EPG5: variants seen among roughly 807,000 people sequenced by gnomAD.
EPG5 encodes ectopic P-granules 5 autophagy tethering factor.
In EPG5, 159 loss-of-function variants were observed where a neutral mutation model predicts 302.7. The observed-to-expected ratio is 0.53, with a 90% CI of 0.46 to 0.60. The LOEUF (loss-of-function observed/expected upper bound fraction) is 0.60, where lower values mean the gene tolerates loss of function less well. Ranked by LOEUF, EPG5 falls within the 20% of genes least tolerant of loss-of-function variation. The probability of loss-of-function intolerance (pLI) is 0.00; values close to 1 mark genes in which losing one functional copy is unlikely to be tolerated. For missense variants in EPG5, 2,896 were observed against 3,092.4 expected (o/e 0.94, Z 1.51); for synonymous variants, 1,158 against 1,136.8 (o/e 1.02, Z -0.37).
chr18:45,845,286 A>C (rs1385771675), downstream of EPG5, among the ~76,000 whole-genome samples: 1 of 152,212 alleles, frequency 6.6e-6, no homozygotes, highest in East Asian at 1.9e-4. Context: ...CTCTGTTGGC[A>C]TGGTTTCAGA....
At chr18:45,933,682 G>A (rs2050450152) in intron 11 of EPG5, among the ~76,000 whole-genome samples, 2 of 145,386 alleles carry the variant, frequency 1.4e-5, no homozygotes, top group South Asian at 2.2e-4. Flanking sequence ...AAAAAAAAAA[G>A]AAATGGAAAT....
Position 45,887,870 on chromosome 18 carries a change from C to T in EPG5, c.4990G>A (p.Gly1664Arg), listed in dbSNP as rs2049252719. 1 of 1,593,568 alleles carries T rather than the reference C, an allele frequency of 6.3e-7. No homozygotes were observed. Among genetic ancestry groups the T allele is most frequent in the Non-Finnish European group, 8.6e-7 (1 of 1,164,848 alleles). Residue 1664 changes from glycine (G) to arginine (R), a missense_variant, in exon 29 of 44, where the codon GGG (glycine) becomes AGG (arginine). By Grantham distance (125) the Gly-to-Arg change is moderately radical. Around this residue, in one of 5 missense-constraint regions of EPG5, gnomAD observed 790 missense variants for 798.0 expected, o/e 0.99. Transcript: ENST00000282041. ...AGGCTAATGCCAACTTTCTGAATCC[C>T]AGGTGTAGGCTGCAACTTGTAGGCA... ...VNAYKLQPTPGIQKVGISLFF... is the reference protein window; with the variant it reads ...VNAYKLQPTPRIQKVGISLFF...
chr18:45,900,584 TC>T (rs1281579777), intron 26 of EPG5, among the ~76,000 whole-genome samples: 1 of 152,106 alleles, frequency 6.6e-6, no homozygotes, highest in Non-Finnish European at 1.5e-5. Context: ...CAATGACTTT[TC>T]CACACTTCAA....
At chr18:45,856,988 G>A (rs1389150623) in intron 42 of EPG5, among the ~76,000 whole-genome samples, 4 of 151,520 alleles carry the variant, frequency 2.6e-5, no homozygotes, top group South Asian at 2.1e-4. Flanking sequence ...GTGTGATCTC[G>A]GCTGACTGCA....
intron 35 of EPG5, among the ~76,000 whole-genome samples, chr18:45,874,414 A>G (rs2048929866): frequency 6.6e-6 from 1 of 152,166 alleles, no homozygotes. Flanking sequence ...GTATTAGCTC[A>G]TTTTCACACT....
Position 45,866,927 on chromosome 18 carries a change from C to T in EPG5, c.6492G>A (p.Val2164=). ...GGTAATGGCTGCTGAAATAACTTAG[C>T]ACACTCTGGTACGACACAATATCCA... ...HLVDIVSYQS[V]LSYFSSHYPP... The change falls in exon 38 of 44, where the codon GTG becomes GTA. Residue 2164 remains valine, a synonymous_variant. Coordinates refer to ENST00000282041, the MANE Select transcript of EPG5 (RefSeq NM_020964.3). 2 of 1,614,146 alleles carry T rather than the reference C, an allele frequency of 1.2e-6. No individual in the cohort carries two copies. Among genetic ancestry groups the T allele is most frequent in the Non-Finnish European group, 1.7e-6 (2 of 1,179,994 alleles).
rs2049549815 is a variant in EPG5 at position 45,899,260 on chromosome 18, G to A, written c.4809+144C>T. On this transcript the variant is annotated intron_variant, in intron 27 of 43. Transcript: ENST00000282041. ...TACAAAAATGTGTGATTAGCTCTAT[G>A]AGTGTTTTCATGCCCTGCAAAACTA... is the stretch of plus-strand genomic sequence containing the variant. The A allele has an allele frequency of 1.3e-5, 11 of 846,502 alleles. No individual in the cohort carries two copies. In the South Asian group the frequency reaches 1.4e-4, roughly 10 times the overall value. The allele number at this position is 846,502 out of a possible 1,614,324, so 52.4% of individuals were successfully genotyped here.
At chr18:45,837,146 G>T in the EPG5 span, 1 of 1,601,580 alleles carries the variant, frequency 6.2e-7, no homozygotes, top group South Asian at 1.1e-5. Context: ...TTTTAACCAC[G>T]AGATCCCAGG....
intron 27 of EPG5, among the ~76,000 whole-genome samples, chr18:45,897,184 A>T (rs2049498502): frequency 6.6e-6 from 1 of 152,242 alleles, no homozygotes; most frequent in South Asian, 2.1e-4. Context: ...CCAGAGAGTT[A>T]ACAGGAGGTC....
At chr18:45,840,224 C>G in the EPG5 span, 1 of 1,612,808 alleles carries the variant, frequency 6.2e-7, no homozygotes, top group Non-Finnish European at 8.5e-7. Context: ...ATCTGGACAC[C>G]CCGGACACCC....
intron 9 of EPG5, among the ~76,000 whole-genome samples, chr18:45,942,653 A>G (rs1352179678): frequency 1.3e-5 from 2 of 152,182 alleles, no homozygotes; most frequent in Non-Finnish European, 2.9e-5. Context: ...TTGTTTTGGA[A>G]GCGAAAGGAG....
chr18:45,944,825 A>G (rs1346038385), intron 7 of EPG5, among the ~76,000 whole-genome samples: 1 of 152,230 alleles, frequency 6.6e-6, no homozygotes, highest in Non-Finnish European at 1.5e-5. Context: ...CAAAATCAAG[A>G]TCTATGTAGT....
At chr18:45,937,235 TACACACACACACACAC>T (rs57593059) in intron 10 of EPG5, among the ~76,000 whole-genome samples, 1,448 of 136,850 alleles carry the variant, frequency 0.011, 18 homozygotes, top group African/African-American at 0.036. Context: ...TACATATATA[TACACACACACACACAC>T]ACACACACAC....
chr18:45,853,718 T>C (rs901104090), intron 43 of EPG5, among the ~76,000 whole-genome samples: 1 of 152,196 alleles, frequency 6.6e-6, no homozygotes, highest in African/African-American at 2.4e-5. Context: ...AGGAGGGCTG[T>C]AGATGGAAGT....
chr18:45,888,551 C>T (rs1046715712), intron 28 of EPG5, among the ~76,000 whole-genome samples: 49 of 152,088 alleles, frequency 3.2e-4, no homozygotes, highest in Non-Finnish European at 5.1e-4. Flanking sequence ...GTGATCTGCC[C>T]GCCTCGGCCT....
chr18:45,838,813 G>C, the EPG5 span: 6 of 1,558,860 alleles, frequency 3.8e-6, no homozygotes, highest in Non-Finnish European at 5.2e-6. Context: ...GCCCGCCCTC[G>C]CCTGGTCCGG....
At chr18:45,833,081 C>G in the EPG5 span, among the ~76,000 whole-genome samples, 2 of 152,128 alleles carry the variant, frequency 1.3e-5, no homozygotes, top group African/African-American at 4.8e-5. Context: ...CCCAGACCTG[C>G]CATTTGCAGC....
chr18:45,899,468 A>C lies in EPG5; in HGVS notation c.4745T>G (p.Leu1582Arg), dbSNP rs1345938343. 1.2e-6 allele frequency: 2 copies of C among 1,614,070 alleles called. No individual in the cohort carries two copies. Among genetic ancestry groups the C allele is most frequent in the African/African-American group, 2.7e-5 (2 of 74,928 alleles). Residue 1582 changes from leucine (L) to arginine (R), a missense_variant, in exon 27 of 44, where the codon CTA (leucine) becomes CGA (arginine). Transcript: ENST00000282041. Reference protein sequence around the residue: ...QYVNREEQTTLHLECRGSSGK... With the variant: ...QYVNREEQTTRHLECRGSSGK... ...GCTGCTGCCTCTGCACTCCAAATGT[A>C]GTGTGGTCTGTTCTTCACGATTCAC... is the stretch of plus-strand genomic sequence containing the variant.
chr18:45,848,530 C>T lies in EPG5; in HGVS notation c.*3937G>A, dbSNP rs2048385272. The stretch of plus-strand genomic sequence containing the variant: ...AGATAATTATGCCACTTGGACCACA[C>T]TGGTGCGACTCTAACCCCAGGGCTG... On this transcript the variant is annotated 3_prime_UTR_variant, in exon 44 of 44. Coordinates refer to ENST00000282041, the MANE Select transcript of EPG5 (RefSeq NM_020964.3). 1 of 152,248 alleles carries T rather than the reference C, an allele frequency of 6.6e-6. No individual in the cohort carries two copies. Among genetic ancestry groups the T allele is most frequent in the Non-Finnish European group, 1.5e-5 (1 of 68,042 alleles). 9.4% of individuals were successfully genotyped at this position (152,248 alleles called of 1,614,324 possible). A position where few individuals can be genotyped will look rare whatever the true frequency, so the allele number is the denominator to read the frequency against.
Sources: allele counts gnomAD v4.1 joint callset (sites outside exome capture counted in the v4.1 genomes callset), GRCh38; gene constraint gnomAD v4.1.1; regional missense constraint gnomAD v4.1.1; transcripts MANE v1.5; gene names NCBI Gene and HGNC (gene_info 2026-07-23, HGNC 2026-07-21).